Variants in PLSCR2 observed in about 807,000 individuals in gnomAD.
PLSCR2 encodes the protein PL scramblase 2.
PLSCR2 carries 18 observed loss-of-function variants against 25.3 expected under a neutral mutation model. The ratio of observed to expected loss-of-function variants is 0.71; its 90% confidence interval spans 0.49 to 1.06. The LOEUF is 1.06. Among genes scored for constraint, PLSCR2 ranks in the 50% least tolerant of loss-of-function variants. PLSCR2 has a pLI of 0.00. For synonymous variants in PLSCR2, 88 were observed against 87.3 expected (o/e 1.01, Z -0.04); for missense variants, 243 against 269.5 (o/e 0.90, Z 0.69).
chr3:146,392,089 A>C (rs1039442053), intron 3 of PLSCR2, among the ~76,000 whole-genome samples: 2 of 152,014 alleles, frequency 1.3e-5, no homozygotes. Context: ...TCTATTTATT[A>C]CTCTAGTCTA....
At chr3:146,400,793 T>C (rs2038444001) in intron 2 of PLSCR2, among the ~76,000 whole-genome samples, 1 of 151,888 alleles carries the variant, frequency 6.6e-6, no homozygotes, top group Admixed American at 6.6e-5. Context: ...TGTGTGTATA[T>C]ATATTTGTAT....
chr3:146,400,705 T>C (rs2038439674), intron 2 of PLSCR2, among the ~76,000 whole-genome samples: 1 of 151,668 alleles, frequency 6.6e-6, no homozygotes, highest in Non-Finnish European at 1.5e-5. Context: ...ATAAGAAGGC[T>C]TGTACTACCT....
At chr3:146,445,441 G>A (rs539988854) in intron 6 of PLSCR2, among the ~76,000 whole-genome samples, 24 of 152,152 alleles carry the variant, frequency 1.6e-4, no homozygotes, top group African/African-American at 5.1e-4. Flanking sequence ...ACTATTCTAT[G>A]ATCAACGTTT....
chr3:146,473,111 T>G (rs10935633), intron 1 of PLSCR2, among the ~76,000 whole-genome samples: 1 of 152,160 alleles, frequency 6.6e-6, no homozygotes, highest in African/African-American at 2.4e-5. Context: ...CTAGACACCC[T>G]TTGTGACTTC....
chr3:146,438,203 C>T (rs2040004958), downstream of PLSCR2, among the ~76,000 whole-genome samples: 1 of 152,104 alleles, frequency 6.6e-6, no homozygotes, highest in Admixed American at 6.5e-5. Context: ...ACTATGTGGT[C>T]AATTTTGGAA....
Position 146,472,016 on chromosome 3 carries a change from C to G in PLSCR2, c.-292-11732G>C, listed in dbSNP as rs192079014. ...ATCTTATTTTAAACTGCCTCTTGTA[C>G]CCAGGACATTTTTATGATTTCTTCC... On this transcript the variant is annotated intron_variant, in intron 1 of 8. Coordinates refer to the PLSCR2 transcript ENST00000336685. Among the ~76,000 whole-genome samples, 3 of 152,202 alleles carry G rather than the reference C, an allele frequency of 2.0e-5. No homozygotes were observed. In the East Asian group the frequency reaches 5.8e-4, roughly 29 times the overall value.
intron 1 of PLSCR2, among the ~76,000 whole-genome samples, chr3:146,474,716 T>C (rs940677322): frequency 3.3e-5 from 5 of 152,126 alleles, no homozygotes; most frequent in African/African-American, 7.2e-5. Context: ...TGGATGATGA[T>C]ATCATGAAGT....
At chr3:146,451,778 C>T (rs2040912765) in intron 5 of PLSCR2, among the ~76,000 whole-genome samples, 1 of 152,174 alleles carries the variant, frequency 6.6e-6, no homozygotes, top group African/African-American at 2.4e-5. Context: ...CATAATGCAA[C>T]TTCCTAAGAA....
chr3:146,471,722 A>G (rs916516109), intron 1 of PLSCR2, among the ~76,000 whole-genome samples: 4 of 152,118 alleles, frequency 2.6e-5, no homozygotes, highest in Non-Finnish European at 5.9e-5. Context: ...ATATGCCACT[A>G]TGCCCTGCTA....
At position 146,421,059 on chromosome 3, in the gene PLSCR2, G is replaced by A. The variant is rs551854512; in HGVS notation, c.101-25138C>T. 7.4e-4 allele frequency among the ~76,000 whole-genome samples: 113 copies of A among 152,140 alleles called. 1 individual carries two copies. The highest frequency in any genetic ancestry group is 2.6e-3 in the African/African-American group (106 of 41,564). ...GAGAAACAGCAGAAGCAGCTGTGAT[G>A]GGCCATGGAAGGAAAGTGGAGAGTA... On this transcript the variant is annotated intron_variant and NMD_transcript_variant, in intron 2 of 3. Coordinates refer to the PLSCR2 transcript ENST00000463633.
intron 6 of PLSCR2, among the ~76,000 whole-genome samples, chr3:146,448,602 G>A (rs1177568843): frequency 6.6e-6 from 1 of 152,168 alleles, no homozygotes; most frequent in Non-Finnish European, 1.5e-5. Context: ...TTGGCTGCAT[G>A]TTCGTATCAT....
At chr3:146,417,798 C>T (rs1176058668) in intron 2 of PLSCR2, among the ~76,000 whole-genome samples, 3 of 152,088 alleles carry the variant, frequency 2.0e-5, no homozygotes, top group African/African-American at 7.2e-5. Context: ...TCCAAATACC[C>T]TGGACTTTAT....
At chr3:146,468,193 A>G (rs1287032921) in intron 1 of PLSCR2, among the ~76,000 whole-genome samples, 1 of 152,180 alleles carries the variant, frequency 6.6e-6, no homozygotes. Context: ...TGTCTATCCA[A>G]CTGCAGCAAT....
intron 2 of PLSCR2, among the ~76,000 whole-genome samples, chr3:146,418,990 C>A (rs1419768139): frequency 6.6e-6 from 1 of 152,128 alleles, no homozygotes; most frequent in East Asian, 1.9e-4. Context: ...CTCTCCAGAG[C>A]ACAATTTCCT....
downstream of PLSCR2, among the ~76,000 whole-genome samples, chr3:146,437,582 G>C (rs935015869): frequency 6.6e-6 from 1 of 152,146 alleles, no homozygotes; most frequent in Non-Finnish European, 1.5e-5. Flanking sequence ...AGTATTCTCT[G>C]ATGGTAGTTT....
chr3:146,435,145 C>T (rs2039767896), intron 8 of PLSCR2, among the ~76,000 whole-genome samples: 1 of 152,048 alleles, frequency 6.6e-6, no homozygotes, highest in Non-Finnish European at 1.5e-5. Flanking sequence ...TGTATATGTG[C>T]CACATTTTCT....
chr3:146,392,977 T>A, intron 3 of PLSCR2, among the ~76,000 whole-genome samples: 1 of 151,442 alleles, frequency 6.6e-6, no homozygotes, highest in Admixed American at 6.6e-5. Context: ...TAAAGTATTT[T>A]AAATTTTTTG....
chr3:146,429,771 G>A (rs907274657), downstream of PLSCR2, among the ~76,000 whole-genome samples: 11 of 151,986 alleles, frequency 7.2e-5, no homozygotes, highest in East Asian at 3.9e-4. Flanking sequence ...GACTATAGGC[G>A]CCCGCCACCA....
At chr3:146,445,492 C>T (rs948774497) in intron 6 of PLSCR2, among the ~76,000 whole-genome samples, 3 of 152,052 alleles carry the variant, frequency 2.0e-5, no homozygotes, top group Non-Finnish European at 4.4e-5. Flanking sequence ...CCACTCTCTT[C>T]TGACCTGAGA....
Sources: allele counts gnomAD v4.1 joint callset (sites outside exome capture counted in the v4.1 genomes callset), GRCh38; gene constraint gnomAD v4.1.1; transcripts MANE v1.5; gene names NCBI Gene and HGNC (gene_info 2026-07-23, HGNC 2026-07-21).